The following CATSPERB variants were observed in gnomAD, a reference collection of about 807,000 sequenced individuals.
CATSPERB encodes the protein catsper channel auxiliary subunit beta.
In CATSPERB, 93 loss-of-function variants were observed where a neutral mutation model predicts 128.3. The ratio of observed to expected loss-of-function variants is 0.72; its 90% CI spans 0.61 to 0.86. CATSPERB has a LOEUF of 0.86. Among genes scored for constraint, CATSPERB ranks in the 40% least tolerant of loss-of-function variants. The pLI, the probability that CATSPERB is intolerant of heterozygous loss-of-function variation, is 0.00. For synonymous variants in CATSPERB, 381 were observed against 448.8 expected (o/e 0.85, Z 1.91); for missense variants, 1,153 against 1,329.5 (o/e 0.87, Z 2.06).
chr14:91,605,404 A>G, intron 22 of CATSPERB: 1 of 536,632 alleles, frequency 1.9e-6, no homozygotes, highest in South Asian at 2.7e-5. Context: ...TTTCTGGAAG[A>G]TCTTAGAGAA....
chr14:91,692,869 G>C (rs1895494988), intron 9 of CATSPERB, among the ~76,000 whole-genome samples: 1 of 152,150 alleles, frequency 6.6e-6, no homozygotes, highest in Non-Finnish European at 1.5e-5. Context: ...TAGGTAGGTA[G>C]ACAGATCTTT....
At chr14:91,715,587 T>C (rs1895925463) in intron 5 of CATSPERB, among the ~76,000 whole-genome samples, 1 of 151,178 alleles carries the variant, frequency 6.6e-6, no homozygotes, top group Non-Finnish European at 1.5e-5. Flanking sequence ...TATTATTGAC[T>C]TTCCCTAAAC....
intron 15 of CATSPERB, among the ~76,000 whole-genome samples, chr14:91,651,390 C>T (rs973743096): frequency 6.6e-6 from 1 of 152,208 alleles, no homozygotes; most frequent in Non-Finnish European, 1.5e-5. Context: ...TAACATCTTT[C>T]TTCCATTGCT....
chr14:91,626,204 CAT>C (rs1287274302), intron 17 of CATSPERB, among the ~76,000 whole-genome samples: 1 of 151,998 alleles, frequency 6.6e-6, no homozygotes, highest in Non-Finnish European at 1.5e-5. Context: ...AAGAAGATAA[CAT>C]AGGAGAAAAT....
intron 7 of CATSPERB, among the ~76,000 whole-genome samples, chr14:91,699,575 C>CTT (rs112740456): frequency 6.4e-5 from 9 of 140,306 alleles, no homozygotes; most frequent in Non-Finnish European, 9.4e-5. Flanking sequence ...GATGAATTAA[C>CTT]TTTTTTTTTT....
chr14:91,720,098 G>A (rs1186558595), intron 4 of CATSPERB, among the ~76,000 whole-genome samples: 1 of 152,012 alleles, frequency 6.6e-6, no homozygotes, highest in East Asian at 1.9e-4. Flanking sequence ...TTCCAAATTT[G>A]CTAAACTTAC....
At chr14:91,672,840 A>T (rs199639630) in intron 13 of CATSPERB, 27 bp downstream of exon 13, 5 of 1,494,484 alleles carry the variant, frequency 3.3e-6, no homozygotes, top group Non-Finnish European at 4.4e-6. Context: ...ATGTCAAGAT[A>T]AATTCCCTCT....
chr14:91,712,623 C>A (rs528281536), intron 5 of CATSPERB, among the ~76,000 whole-genome samples: 3 of 152,194 alleles, frequency 2.0e-5, no homozygotes, highest in Admixed American at 1.3e-4. Context: ...GTATGATTAT[C>A]GTATACTTAA....
chr14:91,625,648 A>C (rs560352119), intron 17 of CATSPERB, among the ~76,000 whole-genome samples: 4 of 152,356 alleles, frequency 2.6e-5, no homozygotes, highest in African/African-American at 9.6e-5. Context: ...ACTAATTGGC[A>C]GTTCATCAAA....
intron 15 of CATSPERB, among the ~76,000 whole-genome samples, chr14:91,656,679 A>G (rs1894792768): frequency 6.6e-6 from 1 of 152,132 alleles, no homozygotes; most frequent in Non-Finnish European, 1.5e-5. Context: ...ATTTAATGTA[A>G]ATGGACTAAA....
chr14:91,652,305 T>C (rs1375904124), intron 15 of CATSPERB, among the ~76,000 whole-genome samples: 2 of 152,062 alleles, frequency 1.3e-5, no homozygotes, highest in African/African-American at 2.4e-5. Context: ...AAAAAGGATA[T>C]AAAAATGAAC....
chr14:91,638,526 T>C (rs886441937), intron 16 of CATSPERB, among the ~76,000 whole-genome samples: 1 of 151,964 alleles, frequency 6.6e-6, no homozygotes, highest in African/African-American at 2.4e-5. Flanking sequence ...GTTCAAGTGA[T>C]CCTCCTGCCT....
chr14:91,691,556 C>T lies in CATSPERB; in HGVS notation c.832-1G>A. Reference sequence around the variant, plus strand: ...AACCACAAAAGTCTGCCCTGGAAAACTAGAAGAAAAGAAGAAACTTTAATT... The same window carrying T: ...AACCACAAAAGTCTGCCCTGGAAAATTAGAAGAAAAGAAGAAACTTTAATT... On this transcript the variant is annotated splice_acceptor_variant, in intron 9 of 26. Coordinates refer to ENST00000256343, the MANE Select transcript of CATSPERB (RefSeq NM_024764.4). LOFTEE classifies it high-confidence loss of function. 1 of 1,601,082 alleles carries T rather than the reference C, an allele frequency of 6.2e-7. No homozygotes were observed. The highest frequency in any genetic ancestry group is 8.5e-7 in the Non-Finnish European group (1 of 1,173,344).
intron 10 of CATSPERB, among the ~76,000 whole-genome samples, chr14:91,687,430 G>A (rs532791708): frequency 6.6e-6 from 1 of 152,212 alleles, no homozygotes; most frequent in Middle Eastern, 3.4e-3. Flanking sequence ...TCTTATAAAA[G>A]AGAACCCAGG....
At chr14:91,630,514 C>G (rs1894255698) in intron 17 of CATSPERB, among the ~76,000 whole-genome samples, 1 of 152,198 alleles carries the variant, frequency 6.6e-6, no homozygotes, top group Non-Finnish European at 1.5e-5. Context: ...TGCCTGATAC[C>G]TGCACTTTTC....
chr14:91,719,509 T>C, intron 4 of CATSPERB, 31 bp from the exon 5 acceptor site: 1 of 1,542,090 alleles, frequency 6.5e-7, no homozygotes, highest in Non-Finnish European at 8.9e-7. Context: ...GAAAACAATG[T>C]TTTACAACAT....
intron 24 of CATSPERB, 116 bp from the exon 25 acceptor site, chr14:91,588,194 T>C: frequency 3.1e-6 from 2 of 644,628 alleles, no homozygotes; most frequent in South Asian, 3.9e-5. Context: ...ACTATTTCAT[T>C]TGCAATTACT....
intron 20 of CATSPERB, among the ~76,000 whole-genome samples, chr14:91,611,930 T>C (rs1369083237): frequency 6.6e-6 from 1 of 152,254 alleles, no homozygotes; most frequent in Admixed American, 6.5e-5. Context: ...CCAACTCATA[T>C]CGTTGAGGCT....
chr14:91,699,596 G>A (rs1315607067), intron 7 of CATSPERB, among the ~76,000 whole-genome samples: 1 of 148,768 alleles, frequency 6.7e-6, no homozygotes, highest in Non-Finnish European at 1.5e-5. Context: ...TTTTTTAGAT[G>A]GAGTTTTGCT....
Sources: allele counts gnomAD v4.1 joint callset (sites outside exome capture counted in the v4.1 genomes callset), GRCh38; gene constraint gnomAD v4.1.1; transcripts MANE v1.5; gene names NCBI Gene and HGNC (gene_info 2026-07-23, HGNC 2026-07-21).